RAI14: variants seen among roughly 807,000 people sequenced by gnomAD.
The protein encoded by RAI14 is retinoic acid induced 14, also known as ankycorbin.
A neutral mutation model predicts 115.4 loss-of-function variants in RAI14; 45 were observed. That is an observed-to-expected ratio of 0.39 (90% CI 0.31 to 0.50). The LOEUF (loss-of-function observed/expected upper bound fraction) is 0.50. Among genes scored for constraint, RAI14 ranks in the 20% least tolerant of loss-of-function variants. The probability of loss-of-function intolerance (pLI) is 0.85; values close to 1 mark genes in which losing one functional copy is unlikely to be tolerated. For missense variants in RAI14, 939 were observed against 1,131.2 expected, an observed-to-expected ratio of 0.83 and a Z score of 2.44; for synonymous variants, 371 against 415.4, an observed-to-expected ratio of 0.89 and a Z score of 1.30.
chr5:34,776,409 A>C (rs963154464), intron 3 of RAI14, among the ~76,000 whole-genome samples: 38 of 152,202 alleles, frequency 2.5e-4, no homozygotes, highest in Non-Finnish European at 4.4e-5. Flanking sequence ...AAATAGCTGA[A>C]AGAGTATAAT....
At chr5:34,694,955 A>G (rs1186063567) in intron 2 of RAI14, among the ~76,000 whole-genome samples, 3 of 151,956 alleles carry the variant, frequency 2.0e-5, no homozygotes, top group East Asian at 1.9e-4. Flanking sequence ...CTGGAGTGCA[A>G]TGGTGTGATC....
chr5:34,778,717 C>A (rs931988456), intron 3 of RAI14, among the ~76,000 whole-genome samples: 1 of 147,728 alleles, frequency 6.8e-6, no homozygotes, highest in African/African-American at 2.5e-5. Context: ...GGCTGGGCAA[C>A]ACAGTGAGAC....
chr5:34,776,803 T>TCAAAAAAAAAAAACAAC (rs1279080501), intron 3 of RAI14, among the ~76,000 whole-genome samples: 53 of 144,988 alleles, frequency 3.7e-4, no homozygotes, highest in South Asian at 2.2e-4. Flanking sequence ...TGAGACCCTT[T>TCAAAAAAAAAAAACAAC]ATTAAAAAAA....
chr5:34,757,079 G>A (rs1483917049), intron 2 of RAI14, among the ~76,000 whole-genome samples: 1 of 152,204 alleles, frequency 6.6e-6, no homozygotes. Flanking sequence ...CTGTAACACG[G>A]TGGACAGAGT....
intron 3 of RAI14, among the ~76,000 whole-genome samples, chr5:34,762,431 A>C (rs547369168): frequency 7.6e-4 from 115 of 152,246 alleles, no homozygotes; most frequent in African/African-American, 2.8e-3. Context: ...TGGTTGGGTA[A>C]TGCCTTAGAC....
intron 2 of RAI14, among the ~76,000 whole-genome samples, chr5:34,740,448 G>A (rs528232371): frequency 3.9e-5 from 6 of 152,308 alleles, no homozygotes; most frequent in Admixed American, 3.9e-4. Flanking sequence ...AGACGGTTTT[G>A]GAGAATCCCT....
At chr5:34,696,007 A>T (rs1025984653) in intron 2 of RAI14, among the ~76,000 whole-genome samples, 4 of 152,074 alleles carry the variant, frequency 2.6e-5, no homozygotes, top group African/African-American at 9.7e-5. Context: ...TTGTATAGAG[A>T]CAGTGTCTCA....
chr5:34,703,169 T>G (rs895382995), intron 2 of RAI14, among the ~76,000 whole-genome samples: 1 of 151,994 alleles, frequency 6.6e-6, no homozygotes, highest in Non-Finnish European at 1.5e-5. Context: ...ACTGGGAAAA[T>G]GCGTATAATA....
chr5:34,700,693 G>C (rs1421396006), intron 2 of RAI14, among the ~76,000 whole-genome samples: 3 of 152,196 alleles, frequency 2.0e-5, no homozygotes, highest in Non-Finnish European at 4.4e-5. Flanking sequence ...ATGCCCTCTT[G>C]GCCATGTCTG....
intron 1 of RAI14, among the ~76,000 whole-genome samples, chr5:34,664,936 CTG>C (rs1397542213): frequency 6.9e-6 from 1 of 145,964 alleles, no homozygotes; most frequent in Non-Finnish European, 1.5e-5. Flanking sequence ...ATCCAGGTCA[CTG>C]TGAATGCTAT....
intron 11 of RAI14, among the ~76,000 whole-genome samples, chr5:34,814,337 A>C (rs1170990515): frequency 6.6e-6 from 1 of 152,192 alleles, no homozygotes; most frequent in African/African-American, 2.4e-5. Context: ...CCTGCAATAG[A>C]AGTTTTATAG....
intron 2 of RAI14, among the ~76,000 whole-genome samples, chr5:34,737,255 A>G (rs80124555): frequency 6.6e-6 from 1 of 151,556 alleles, no homozygotes; most frequent in African/African-American, 2.4e-5. Flanking sequence ...GATACTCCTA[A>G]TGTAGTGCAG....
intron 2 of RAI14, among the ~76,000 whole-genome samples, chr5:34,736,127 G>T (rs573663761): frequency 6.7e-6 from 1 of 148,320 alleles, no homozygotes; most frequent in African/African-American, 2.5e-5. Flanking sequence ...TCAGCTGGGC[G>T]CGGTGACTCA....
chr5:34,662,270 G>A (rs530644437), intron 1 of RAI14, among the ~76,000 whole-genome samples: 2 of 152,264 alleles, frequency 1.3e-5, no homozygotes, highest in South Asian at 4.1e-4. Context: ...CAACTAATAT[G>A]TAGAAAGGTC....
At chr5:34,747,261 T>C (rs2150063528) in intron 2 of RAI14, among the ~76,000 whole-genome samples, 1 of 152,354 alleles carries the variant, frequency 6.6e-6, no homozygotes, top group East Asian at 1.9e-4. Flanking sequence ...GGGCTAATAA[T>C]AGTACCTACC....
At position 34,686,901 on chromosome 5, in the gene RAI14, A is replaced by G; in HGVS notation, c.-19A>G. On this transcript the variant is annotated 5_prime_UTR_variant, in exon 2 of 18. Transcript: ENST00000265109. ...TGAAAAGTCTCCTCTAGAGCTTTGGAAGGCTGAATGCACTAAACATGAAGA... is the reference window on the plus strand; with the variant it reads ...TGAAAAGTCTCCTCTAGAGCTTTGGGAGGCTGAATGCACTAAACATGAAGA... The G allele has an allele frequency of 6.2e-7, 1 of 1,613,072 alleles. No individual in the cohort carries two copies. The highest frequency in any genetic ancestry group is 8.5e-7 in the Non-Finnish European group (1 of 1,179,494).
chr5:34,741,742 C>A (rs1055515762), intron 2 of RAI14, among the ~76,000 whole-genome samples: 3 of 151,926 alleles, frequency 2.0e-5, no homozygotes, highest in Non-Finnish European at 2.9e-5. Flanking sequence ...TGGACAGCCA[C>A]GGATGGTTTT....
chr5:34,807,549 G>C (rs1044494433), intron 5 of RAI14, among the ~76,000 whole-genome samples: 5 of 152,058 alleles, frequency 3.3e-5, no homozygotes, highest in Middle Eastern at 3.2e-3. Flanking sequence ...TAGCTGGTGG[G>C]GTGCTGGAGT....
At chr5:34,754,523 C>A (rs1366059814) in intron 2 of RAI14, among the ~76,000 whole-genome samples, 1 of 148,786 alleles carries the variant, frequency 6.7e-6, no homozygotes, top group Non-Finnish European at 1.5e-5. Flanking sequence ...CTACCACGCC[C>A]AGGCTCTTAC....
Sources: allele counts gnomAD v4.1 joint callset (sites outside exome capture counted in the v4.1 genomes callset), GRCh38; gene constraint gnomAD v4.1.1; transcripts MANE v1.5; gene names NCBI Gene and HGNC (gene_info 2026-07-23, HGNC 2026-07-21).